WSB1: variants seen among roughly 807,000 people sequenced by gnomAD.
WSB1 encodes WD repeat and SOCS box-containing protein 1.
Under a neutral mutation model 50.2 loss-of-function variants are expected in WSB1, and 23 were observed. The ratio of observed to expected loss-of-function variants is 0.46; its 90% confidence interval spans 0.33 to 0.65. The LOEUF is 0.65. Among genes scored for constraint, WSB1 ranks in the 30% least tolerant of loss-of-function variants. The probability of loss-of-function intolerance (pLI) is 0.02; values close to 1 mark genes in which losing one functional copy is unlikely to be tolerated. For synonymous variants in WSB1, 179 were observed against 172.0 expected (o/e 1.04, Z -0.32); for missense variants, 492 against 522.3 (o/e 0.94, Z 0.56).
intron 5 of WSB1, chr17:27,308,369 T>C (rs1220555538): frequency 2.0e-6 from 2 of 985,240 alleles, no homozygotes; most frequent in African/African-American, 1.7e-5. Context: ...TCTAAAATTG[T>C]ATATGAACTT....
At chr17:27,299,755 C>G (rs947580902) in intron 1 of WSB1, among the ~76,000 whole-genome samples, 3 of 152,114 alleles carry the variant, frequency 2.0e-5, no homozygotes, top group Non-Finnish European at 4.4e-5. Flanking sequence ...ATAGAGATCT[C>G]TTAGCCTGGT....
chr17:27,308,912 C>T lies in WSB1; in HGVS notation c.712-188C>T, dbSNP rs1005195056. 3.3e-6 allele frequency: 4 copies of T among 1,204,404 alleles called. No homozygotes were observed. The African/African-American group carries it at 4.7e-5, about 14-fold the overall frequency. 74.6% of individuals were successfully genotyped at this position (1,204,404 alleles called of 1,614,324 possible). On this transcript the variant is annotated intron_variant, in intron 5 of 8. Coordinates refer to ENST00000262394, the MANE Select transcript of WSB1 (RefSeq NM_015626.10). ...ACAGAAACATTTGAAATAGAATTTGCATGTCTGCCTTAATTAACTTAAAGA... is the reference window on the plus strand; with the variant it reads ...ACAGAAACATTTGAAATAGAATTTGTATGTCTGCCTTAATTAACTTAAAGA...
intron 4 of WSB1, among the ~76,000 whole-genome samples, chr17:27,305,934 T>C (rs1385385475): frequency 6.6e-6 from 1 of 152,230 alleles, no homozygotes. Context: ...AGTGGGGTCC[T>C]TGCCTTATTT....
intron 7 of WSB1, 91 bp downstream of exon 7, chr17:27,310,265 C>T: frequency 8.8e-7 from 1 of 1,137,938 alleles, no homozygotes; most frequent in African/African-American, 1.5e-5. Context: ...GTTTTAATGT[C>T]TCTTCCTCAA....
intron 7 of WSB1, among the ~76,000 whole-genome samples, chr17:27,310,707 A>T (rs1206054638): frequency 6.6e-6 from 1 of 150,866 alleles, no homozygotes; most frequent in Admixed American, 6.6e-5. Flanking sequence ...GTTAGCAAAC[A>T]TATGGAGAGA....
chr17:27,305,494 A>G (rs1490921078), intron 4 of WSB1, among the ~76,000 whole-genome samples: 5 of 152,212 alleles, frequency 3.3e-5, no homozygotes, highest in East Asian at 1.9e-4. Flanking sequence ...TGGAGATGCT[A>G]CCTCATTTGA....
intron 1 of WSB1, among the ~76,000 whole-genome samples, chr17:27,294,655 T>C (rs1270003764): frequency 6.6e-6 from 1 of 152,126 alleles, no homozygotes; most frequent in East Asian, 1.9e-4. Context: ...TCGCGGTTGC[T>C]GTGTGGCTGG....
At chr17:27,305,338 GAAC>G (rs2017403737) in intron 4 of WSB1, among the ~76,000 whole-genome samples, 1 of 152,172 alleles carries the variant, frequency 6.6e-6, no homozygotes. Flanking sequence ...CTACATACCA[GAAC>G]TTATAACATG....
intron 4 of WSB1, among the ~76,000 whole-genome samples, chr17:27,305,946 CA>C (rs2017432529): frequency 6.6e-6 from 1 of 152,072 alleles, no homozygotes; most frequent in Non-Finnish European, 1.5e-5. Context: ...GCCTTATTTC[CA>C]GTTATATCCT....
In WSB1 at chr17:27,294,531, A is replaced by T. The variant is rs578188948; in HGVS notation, c.40+96A>T. On this transcript the variant is annotated intron_variant, in intron 1 of 8. Transcript: ENST00000262394. ...GAGGAAGCGACTCCAAGTCTGAGGGAAGAGCTCCAGTGCGCCAGGGCCAGC... is the reference window on the plus strand; with the variant it reads ...GAGGAAGCGACTCCAAGTCTGAGGGTAGAGCTCCAGTGCGCCAGGGCCAGC... 22 of 1,544,434 alleles carry T rather than the reference A, an allele frequency of 1.4e-5. No homozygotes were observed. The East Asian group carries it at 4.9e-4, about 35-fold the overall frequency.
chr17:27,311,597 G>A lies in WSB1; in HGVS notation c.1087G>A (p.Gly363Ser). ...TCTTTGCTGTGCCTTCTCTACTGAT[G>A]GCAGTGTTTTAGCTGCTGGGTAAAT... ...NGLCCAFSTD[G>S]SVLAAGTHDG... The change falls in exon 8 of 9, where the codon GGC (glycine) becomes AGC (serine). Residue 363 changes from glycine to serine, a missense_variant. By Grantham distance (56) the Gly-to-Ser change is moderately conservative. Transcript: ENST00000262394. The A allele has an allele frequency of 1.3e-6, 2 of 1,585,402 alleles. No individual in the cohort carries two copies. Among genetic ancestry groups the A allele is most frequent in the South Asian group, 1.1e-5 (1 of 87,868 alleles).
Position 27,312,516 on chromosome 17 carries a change from C to T in WSB1, c.*147C>T. The stretch of plus-strand genomic sequence containing the variant: ...TTGTACTGCATTTTGATCAGTTGAG[C>T]TTTTAAAATATTATTTATAGACAAT... On this transcript the variant is annotated 3_prime_UTR_variant, in exon 9 of 9. Transcript: ENST00000262394. 1.9e-6 allele frequency: 2 copies of T among 1,035,148 alleles called. No individual in the cohort carries two copies. Among genetic ancestry groups the T allele is most frequent in the Non-Finnish European group, 1.4e-6 (1 of 727,244 alleles). The allele number at this position is 1,035,148 out of a possible 1,614,324, so 64.1% of individuals were successfully genotyped here.
rs2017187998 is a variant in WSB1 at position 27,300,681 on chromosome 17, A to G, written c.41-1107A>G. Among the ~76,000 whole-genome samples, 6 of 148,098 alleles carry G rather than the reference A, an allele frequency of 4.1e-5. No individual in the cohort carries two copies. The South Asian group carries it at 1.0e-3, about 26-fold the overall frequency. ...TATTTGAGAATCACAAATATAATGC[A>G]TTTTGGTTTTTTTTGTTTTTTTTTT... On this transcript the variant is annotated intron_variant, in intron 1 of 8. Transcript: ENST00000262394.
intron 3 of WSB1, among the ~76,000 whole-genome samples, 157 bp from the exon 4 acceptor site, chr17:27,304,623 G>C (rs2017372021): frequency 6.6e-6 from 1 of 151,610 alleles, no homozygotes; most frequent in African/African-American, 2.4e-5. Flanking sequence ...GAGGTAGGGG[G>C]ATTGCTTGAA....
In WSB1 at chr17:27,312,231, T is replaced by A; in HGVS notation, c.1128T>A (p.Tyr376Ter). 1 of 1,612,372 alleles carries A rather than the reference T, an allele frequency of 6.2e-7. No homozygotes were observed. The highest frequency in any genetic ancestry group is 8.5e-7 in the Non-Finnish European group (1 of 1,179,608). ...TTAGGACACATGACGGAAGTGTGTA[T>A]TTTTGGGCCACTCCACGGCAGGTCC... is the stretch of plus-strand genomic sequence containing the variant. ...LAAGTHDGSVYFWATPRQVPS... is the reference protein window; with the variant it reads ...LAAGTHDGSV Residue 376 changes from tyrosine (Y) to a stop codon, truncating the protein, a stop_gained, in exon 9 of 9, where the codon TAT becomes TAA. Coordinates refer to ENST00000262394, the MANE Select transcript of WSB1 (RefSeq NM_015626.10). LOFTEE classifies it high-confidence loss of function.
In WSB1 at chr17:27,307,616, A is replaced by G. The variant is rs1036606749; in HGVS notation, c.711+734A>G. The G allele has an allele frequency of 4.5e-6, 4 of 886,438 alleles. No individual in the cohort carries two copies. In the African/African-American group the frequency reaches 5.1e-5, roughly 11 times the overall value. The allele number at this position is 886,438 out of a possible 1,614,324, so 54.9% of individuals were successfully genotyped here. On this transcript the variant is annotated intron_variant, in intron 5 of 8. Transcript: ENST00000262394. ...GAGTATGTTAAAATGATAGTTATAA[A>G]TGTTGGAAGTTTAAAGCAAGATACT... is the stretch of plus-strand genomic sequence containing the variant.
At position 27,303,496 on chromosome 17, in the gene WSB1, T is replaced by C; in HGVS notation, c.339T>C (p.Leu113=). Residue 113 remains leucine, a synonymous_variant, in exon 3 of 9, where the codon CTT becomes CTC. Transcript: ENST00000262394. ...ACTGTGGAGATATAGTCTGGAGTCT[T>C]GCTTTTGGGTCATCAGTTCCAGAAA... is the stretch of plus-strand genomic sequence containing the variant. ...IIDCGDIVWS[L]AFGSSVPEKQ... The C allele has an allele frequency of 1.2e-5, 19 of 1,614,144 alleles. No individual in the cohort carries two copies. Among genetic ancestry groups the C allele is most frequent in the Non-Finnish European group, 1.6e-5 (19 of 1,180,018 alleles).
intron 5 of WSB1, chr17:27,307,622 G>A (rs2017513160): frequency 1.0e-6 from 1 of 966,570 alleles, no homozygotes; most frequent in Admixed American, 2.8e-5. Context: ...ATAAATGTTG[G>A]AAGTTTAAAG....
At chr17:27,294,500 GT>G in intron 1 of WSB1, 65 bp downstream of exon 1, 7 of 1,593,748 alleles carry the variant, frequency 4.4e-6, no homozygotes, top group Non-Finnish European at 6.0e-6. Flanking sequence ...CCCGGAGGAG[GT>G]TTGGGAGGAA....
Sources: allele counts gnomAD v4.1 joint callset (sites outside exome capture counted in the v4.1 genomes callset), GRCh38; gene constraint gnomAD v4.1.1; transcripts MANE v1.5; gene names NCBI Gene and HGNC (gene_info 2026-07-23, HGNC 2026-07-21).